The following SLC25A21 variants were observed in gnomAD, a reference collection of about 807,000 sequenced individuals.
SLC25A21 encodes the protein solute carrier family 25 member 21, also known as mitochondrial 2-oxodicarboxylate carrier.
SLC25A21 carries 47 observed loss-of-function variants against 43.8 expected under a neutral mutation model. That is an observed-to-expected ratio of 1.07 (90% confidence interval 0.85 to 1.37). The LOEUF (loss-of-function observed/expected upper bound fraction) is 1.37. SLC25A21 is among the 40% of genes most tolerant of loss of function. The pLI is 0.00. For synonymous variants in SLC25A21, 131 were observed against 121.3 expected, an observed-to-expected ratio of 1.08 and a Z score of -0.52; for missense variants, 352 against 350.2, an observed-to-expected ratio of 1.00 and a Z score of -0.04.
intron 2 of SLC25A21, among the ~76,000 whole-genome samples, chr14:36,843,884 C>T (rs1889462269): frequency 6.6e-6 from 1 of 152,218 alleles, no homozygotes; most frequent in African/African-American, 2.4e-5. Context: ...TCATATCTCT[C>T]TAGTATCTCT....
At chr14:37,125,114 A>G (rs1407740574) in intron 1 of SLC25A21, among the ~76,000 whole-genome samples, 1 of 152,230 alleles carries the variant, frequency 6.6e-6, no homozygotes, top group Non-Finnish European at 1.5e-5. Flanking sequence ...CAGGCCACCA[A>G]GGCTCTAGTC....
At chr14:36,680,767 ACTGG>A in intron 9 of SLC25A21, 48 bp from the exon 10 acceptor site, 1 of 1,566,330 alleles carries the variant, frequency 6.4e-7, no homozygotes, top group East Asian at 2.3e-5. Context: ...CTGGAATAGC[ACTGG>A]CTTTCCCACT....
intron 1 of SLC25A21, among the ~76,000 whole-genome samples, chr14:37,150,810 C>T (rs1963746251): frequency 1.3e-5 from 2 of 152,178 alleles, no homozygotes. Flanking sequence ...ATTCTCAGAT[C>T]TCTGGAGAGG....
intron 1 of SLC25A21, among the ~76,000 whole-genome samples, chr14:36,941,121 C>T (rs977217233): frequency 6.6e-6 from 1 of 152,028 alleles, no homozygotes; most frequent in Non-Finnish European, 1.5e-5. Context: ...AAAATATTGA[C>T]ACTATTTAGT....
At chr14:36,708,540 C>T (rs1416097615) in intron 7 of SLC25A21, among the ~76,000 whole-genome samples, 3 of 152,108 alleles carry the variant, frequency 2.0e-5, no homozygotes, top group Non-Finnish European at 4.4e-5. Context: ...CAGGCTCAAG[C>T]AATCTTTCCA....
At position 36,902,440 on chromosome 14, in the gene SLC25A21, A is replaced by AACAC. The variant is rs3061763; in HGVS notation, c.71-27440_71-27437dup. Reference sequence around the variant, plus strand: ...TAAGGAGCGAAGTATCGTATAGTAAAACACACACACACACACACACACACG... The same window carrying AACAC: ...TAAGGAGCGAAGTATCGTATAGTAAAACACACACACACACACACACACACACACG... On this transcript the variant is annotated intron_variant, in intron 1 of 9. Coordinates refer to ENST00000331299, the MANE Select transcript of SLC25A21 (RefSeq NM_030631.4). Among the ~76,000 whole-genome samples the AACAC allele has an allele frequency of 4.1e-3, 614 of 150,148 alleles. 5 individuals are homozygous for AACAC. The highest frequency in any genetic ancestry group is 9.9e-3 in the East Asian group (50 of 5,046).
intron 1 of SLC25A21, among the ~76,000 whole-genome samples, chr14:37,090,016 A>C (rs1962555107): frequency 6.6e-6 from 1 of 152,192 alleles, no homozygotes; most frequent in Non-Finnish European, 1.5e-5. Flanking sequence ...ACCCCTCTAC[A>C]TTCTTAGGAA....
intron 1 of SLC25A21, among the ~76,000 whole-genome samples, chr14:37,122,776 G>A (rs959394949): frequency 6.6e-6 from 1 of 152,070 alleles, no homozygotes; most frequent in South Asian, 2.1e-4. Context: ...CACTAACAGT[G>A]GTCCAAATGT....
At chr14:36,769,606 T>C (rs1886543213) in intron 3 of SLC25A21, among the ~76,000 whole-genome samples, 1 of 152,222 alleles carries the variant, frequency 6.6e-6, no homozygotes, top group Non-Finnish European at 1.5e-5. Context: ...GATGGCAATT[T>C]ATCTTTGCGT....
chr14:37,150,418 C>T (rs902408190), intron 1 of SLC25A21, among the ~76,000 whole-genome samples: 3 of 152,134 alleles, frequency 2.0e-5, no homozygotes, highest in African/African-American at 7.2e-5. Context: ...TTCCATCCCT[C>T]TTTCTTACTC....
At chr14:37,139,251 A>G (rs953726130) in intron 1 of SLC25A21, among the ~76,000 whole-genome samples, 90 of 152,230 alleles carry the variant, frequency 5.9e-4, no homozygotes, top group African/African-American at 2.0e-3. Flanking sequence ...AGTCTGCTAA[A>G]CATGTACAAT....
At chr14:37,091,678 C>T (rs1962589348) in intron 1 of SLC25A21, among the ~76,000 whole-genome samples, 1 of 152,156 alleles carries the variant, frequency 6.6e-6, no homozygotes, top group Non-Finnish European at 1.5e-5. Flanking sequence ...GAGAAAGAAC[C>T]ATAAGTATTG....
At chr14:36,909,640 T>C (rs761595107) in intron 1 of SLC25A21, among the ~76,000 whole-genome samples, 1 of 152,204 alleles carries the variant, frequency 6.6e-6, no homozygotes, top group Admixed American at 6.5e-5. Context: ...TAATGTCAGA[T>C]AAAGCAGAAT....
At chr14:37,031,337 A>T (rs867053380) in intron 1 of SLC25A21, among the ~76,000 whole-genome samples, 4 of 152,328 alleles carry the variant, frequency 2.6e-5, no homozygotes, top group Middle Eastern at 3.4e-3. Context: ...AAAAATTTTT[A>T]AAAAAGAATC....
intron 3 of SLC25A21, among the ~76,000 whole-genome samples, chr14:36,771,383 T>G (rs923113425): frequency 1.3e-5 from 2 of 152,122 alleles, no homozygotes; most frequent in African/African-American, 2.4e-5. Context: ...GTGGCACTTA[T>G]GAGTGCAAAG....
At position 36,983,256 on chromosome 14, in the gene SLC25A21, C is replaced by T. The variant is rs566434049; in HGVS notation, c.71-108252G>A. On this transcript the variant is annotated intron_variant, in intron 1 of 9. Coordinates refer to ENST00000331299, the MANE Select transcript of SLC25A21 (RefSeq NM_030631.4). ...TCCTGGGTTCACTCTCAGAGCACTG[C>T]TTCTTTCTTTCACTTACTTTTATTC... 3.0e-4 allele frequency among the ~76,000 whole-genome samples: 46 copies of T among 152,258 alleles called. No homozygotes were observed. The East Asian group carries it at 7.2e-3, about 24-fold the overall frequency.
At chr14:36,835,956 C>T (rs955591070) in intron 2 of SLC25A21, among the ~76,000 whole-genome samples, 1 of 152,154 alleles carries the variant, frequency 6.6e-6, no homozygotes, top group Non-Finnish European at 1.5e-5. Context: ...TTCTTCTTAC[C>T]TTTGGCTCCC....
chr14:36,750,722 C>A (rs1323466728), intron 3 of SLC25A21, among the ~76,000 whole-genome samples: 5 of 152,164 alleles, frequency 3.3e-5, no homozygotes, highest in South Asian at 2.1e-4. Flanking sequence ...ATTAAAAAAA[C>A]CAAAACTACT....
intron 1 of SLC25A21, among the ~76,000 whole-genome samples, chr14:37,030,641 A>C (rs1284440267): frequency 1.3e-5 from 2 of 152,188 alleles, no homozygotes; most frequent in African/African-American, 4.8e-5. Flanking sequence ...AGTAGAATCT[A>C]AGAAATGAGC....
Sources: gnomAD v4.1 joint callset for allele counts (sites outside exome capture counted in the v4.1 genomes callset) on GRCh38, gnomAD v4.1.1 for gene constraint, MANE v1.5 for transcripts, NCBI Gene and HGNC (gene_info 2026-07-23, HGNC 2026-07-21) for gene names.